The following KAT6B variants were observed in gnomAD, a reference collection of about 807,000 sequenced individuals.
KAT6B encodes lysine acetyltransferase 6B.
Under a neutral mutation model 187.5 loss-of-function variants are expected in KAT6B, and 10 were observed. The observed-to-expected ratio is 0.05, with a 90% confidence interval of 0.03 to 0.09. The LOEUF (loss-of-function observed/expected upper bound fraction) is 0.09. Among genes scored for constraint, KAT6B ranks in the 10% least tolerant of loss-of-function variants. The pLI is 1.00. For missense variants in KAT6B, 1,952 were observed against 2,558.9 expected, an observed-to-expected ratio of 0.76 and a Z score of 5.12; for synonymous variants, 861 against 926.8, an observed-to-expected ratio of 0.93 and a Z score of 1.29.
intron 3 of KAT6B, among the ~76,000 whole-genome samples, chr10:74,857,494 A>G (rs1185974372): frequency 6.6e-6 from 1 of 152,194 alleles, no homozygotes; most frequent in Non-Finnish European, 1.5e-5. Flanking sequence ...GATTGAGCCC[A>G]TTTGGATAAT....
At chr10:74,882,170 A>T (rs1844901740) in intron 3 of KAT6B, among the ~76,000 whole-genome samples, 1 of 152,038 alleles carries the variant, frequency 6.6e-6, no homozygotes, top group African/African-American at 2.4e-5. Flanking sequence ...CTTCTTCAAG[A>T]TTTTCCCTGC....
At chr10:74,890,211 A>G (rs1314845995) in intron 3 of KAT6B, among the ~76,000 whole-genome samples, 1 of 151,916 alleles carries the variant, frequency 6.6e-6, no homozygotes, top group East Asian at 1.9e-4. Context: ...CTCATTTTGT[A>G]TTTTTAGTAG....
intron 3 of KAT6B, among the ~76,000 whole-genome samples, chr10:74,892,733 G>A (rs1376161391): frequency 6.6e-6 from 1 of 152,122 alleles, no homozygotes. Flanking sequence ...AGGGTAGATT[G>A]ACATCTCATT....
chr10:74,900,758 T>TA (rs1254987778), intron 3 of KAT6B, among the ~76,000 whole-genome samples: 1 of 152,230 alleles, frequency 6.6e-6, no homozygotes, highest in Admixed American at 6.5e-5. Flanking sequence ...AGCCAATAGC[T>TA]ATCACTGCCT....
At chr10:74,870,199 A>G (rs1843817332) in intron 3 of KAT6B, among the ~76,000 whole-genome samples, 1 of 152,122 alleles carries the variant, frequency 6.6e-6, no homozygotes, top group African/African-American at 2.4e-5. Context: ...AGGATCAATC[A>G]CTTGAGCCTG....
At chr10:74,974,551 C>T (rs745779214) in intron 7 of KAT6B, among the ~76,000 whole-genome samples, 11 of 152,120 alleles carry the variant, frequency 7.2e-5, no homozygotes, top group Admixed American at 1.3e-4. Flanking sequence ...GACAGTCGGC[C>T]GCTGTTCATG....
chr10:74,880,002 A>C (rs1177136965), intron 3 of KAT6B, among the ~76,000 whole-genome samples: 1 of 152,048 alleles, frequency 6.6e-6, no homozygotes, highest in African/African-American at 2.4e-5. Flanking sequence ...GTGCCATTGC[A>C]CTCTAGCCTG....
At position 74,842,962 on chromosome 10, in the gene KAT6B, G is replaced by T. The variant is rs748991201; in HGVS notation, c.105G>T (p.Ala35=). 1 of 1,614,136 alleles carries T rather than the reference G, an allele frequency of 6.2e-7. No homozygotes were observed. Among genetic ancestry groups the T allele is most frequent in the Non-Finnish European group, 8.5e-7 (1 of 1,180,030 alleles). ...QRPSEERICH[A]VSTSHGLDKK... is the part of the protein sequence containing the mutation. ...CCTCTGAAGAGAGAATCTGCCATGC[G>T]GTCAGTACTTCCCATGGGTTGGATA... The change falls in exon 3 of 18, where the codon GCG becomes GCT. Residue 35 remains alanine (A), a synonymous_variant. Transcript: ENST00000287239.
In KAT6B at chr10:75,031,870, G is replaced by C. The variant is rs1846339183; in HGVS notation, c.*824G>C. The C allele has an allele frequency of 5.1e-6, 1 of 197,852 alleles. No homozygotes were observed. Among genetic ancestry groups the C allele is most frequent in the Non-Finnish European group, 1.0e-5 (1 of 95,754 alleles). The allele number at this position is 197,852 out of a possible 1,614,324, so 12.3% of individuals were successfully genotyped here. A position where few individuals can be genotyped will look rare whatever the true frequency, so the allele number is the denominator to read the frequency against. ...ACATTTCATATATGTCCAAATACTT[G>C]GCAGGATTTAAAAAAAAATAGTGAA... On this transcript the variant is annotated 3_prime_UTR_variant, in exon 18 of 18. Transcript: ENST00000287239.
intron 1 of KAT6B, among the ~76,000 whole-genome samples, chr10:74,833,736 A>C (rs1841056433): frequency 6.6e-6 from 1 of 152,208 alleles, no homozygotes; most frequent in Non-Finnish European, 1.5e-5. Context: ...AATTAATATA[A>C]TATGTATTAG....
At chr10:74,913,794 G>T (rs983743489) in intron 3 of KAT6B, among the ~76,000 whole-genome samples, 1 of 152,218 alleles carries the variant, frequency 6.6e-6, no homozygotes, top group South Asian at 2.1e-4. Flanking sequence ...ATCTCCCAGG[G>T]TTTCCCCAGC....
chr10:74,888,460 C>T (rs1337542000), intron 3 of KAT6B, among the ~76,000 whole-genome samples: 1 of 152,002 alleles, frequency 6.6e-6, no homozygotes, highest in Non-Finnish European at 1.5e-5. Flanking sequence ...AGAAAGGGAA[C>T]AAATGGCCAA....
At chr10:74,969,355 G>A (rs1841701783) in intron 4 of KAT6B, among the ~76,000 whole-genome samples, 1 of 152,202 alleles carries the variant, frequency 6.6e-6, no homozygotes, top group Non-Finnish European at 1.5e-5. Flanking sequence ...TACAGGTGCA[G>A]GAGTAAGAAT....
chr10:74,851,130 CAG>C (rs1301729183), intron 3 of KAT6B, among the ~76,000 whole-genome samples: 1 of 150,326 alleles, frequency 6.7e-6, no homozygotes, highest in Non-Finnish European at 1.5e-5. Flanking sequence ...TTTTTGGATA[CAG>C]AGTCTTGCTC....
chr10:75,007,557 G>C (rs1844302951), intron 13 of KAT6B, among the ~76,000 whole-genome samples: 1 of 152,120 alleles, frequency 6.6e-6, no homozygotes, highest in Non-Finnish European at 1.5e-5. Context: ...TCAGGATAGT[G>C]GTTACTTATG....
chr10:74,971,682 A>G (rs1305820599), intron 6 of KAT6B, among the ~76,000 whole-genome samples: 4 of 152,008 alleles, frequency 2.6e-5, no homozygotes. Flanking sequence ...GTGTGTAGTC[A>G]TATTCATGAA....
At chr10:74,987,545 CA>C (rs1443001081) in intron 12 of KAT6B, among the ~76,000 whole-genome samples, 1 of 152,186 alleles carries the variant, frequency 6.6e-6, no homozygotes, top group African/African-American at 2.4e-5. Context: ...ATTAGAACTA[CA>C]GTTCAAGGAT....
intron 1 of KAT6B, among the ~76,000 whole-genome samples, chr10:74,832,700 A>G (rs900833817): frequency 6.6e-6 from 1 of 151,848 alleles, no homozygotes; most frequent in South Asian, 2.1e-4. Flanking sequence ...GGGTTTCACC[A>G]TGTTGGCCGG....
chr10:74,941,267 T>A (rs1423584039), intron 3 of KAT6B, among the ~76,000 whole-genome samples: 1 of 152,236 alleles, frequency 6.6e-6, no homozygotes, highest in Non-Finnish European at 1.5e-5. Flanking sequence ...TTATTCTGAA[T>A]AGTCACATGG....
Sources: gnomAD v4.1 joint callset for allele counts (sites outside exome capture counted in the v4.1 genomes callset) on GRCh38, gnomAD v4.1.1 for gene constraint, MANE v1.5 for transcripts, NCBI Gene and HGNC (gene_info 2026-07-23, HGNC 2026-07-21) for gene names.